ATP8A2: variants seen among roughly 807,000 people sequenced by gnomAD.
ATP8A2 encodes the protein ATPase phospholipid transporting 8A2.
Under a neutral mutation model 165.6 loss-of-function variants are expected in ATP8A2, and 100 were observed. The observed-to-expected ratio is 0.60, with a 90% CI of 0.51 to 0.71. The LOEUF is 0.71. Ranked by LOEUF, ATP8A2 falls within the 30% of genes least tolerant of loss-of-function variation. The probability of loss-of-function intolerance (pLI) is 0.00; values close to 1 mark genes in which losing one functional copy is unlikely to be tolerated. For missense variants in ATP8A2, 1,227 were observed against 1,479.5 expected, an observed-to-expected ratio of 0.83 and a Z score of 2.80; for synonymous variants, 543 against 548.8, an observed-to-expected ratio of 0.99 and a Z score of 0.15.
chr13:25,734,741 C>T (rs974517639), intron 25 of ATP8A2, among the ~76,000 whole-genome samples: 7 of 152,130 alleles, frequency 4.6e-5, no homozygotes, highest in African/African-American at 1.2e-4. Context: ...CAGATTCAAG[C>T]GATTCTCCTG....
chr13:25,532,447 A>G (rs1333708861), intron 5 of ATP8A2, 130 bp downstream of exon 5: 2 of 625,014 alleles, frequency 3.2e-6, no homozygotes, highest in Admixed American at 3.5e-5. Context: ...ATAAAGAAAT[A>G]GTAAAATAAC....
intron 2 of ATP8A2, among the ~76,000 whole-genome samples, chr13:25,497,164 T>A (rs755238697): frequency 1.3e-5 from 2 of 152,174 alleles, no homozygotes; most frequent in African/African-American, 4.8e-5. Flanking sequence ...TTTGAGAAAT[T>A]CTTTGAAGTT....
At chr13:25,989,183 T>A (rs1956333897) in intron 35 of ATP8A2, among the ~76,000 whole-genome samples, 1 of 152,238 alleles carries the variant, frequency 6.6e-6, no homozygotes, top group Non-Finnish European at 1.5e-5. Context: ...GTTTGGATGC[T>A]TATTTGAATT....
chr13:25,524,480 G>A (rs149705190), intron 2 of ATP8A2, among the ~76,000 whole-genome samples: 1 of 152,154 alleles, frequency 6.6e-6, no homozygotes, highest in African/African-American at 2.4e-5. Flanking sequence ...TACTACTATT[G>A]TATTGCAGTC....
chr13:25,450,585 G>C (rs1219051206), intron 1 of ATP8A2, among the ~76,000 whole-genome samples: 21 of 152,298 alleles, frequency 1.4e-4, no homozygotes, highest in African/African-American at 5.1e-4. Context: ...AGGCTGGAGT[G>C]CAGTGGTGTG....
At chr13:25,504,537 G>A (rs1287674141) in intron 2 of ATP8A2, among the ~76,000 whole-genome samples, 6 of 145,680 alleles carry the variant, frequency 4.1e-5, no homozygotes, top group Non-Finnish European at 7.5e-5. Flanking sequence ...TCAGGAGATC[G>A]AGACCATCCT....
intron 33 of ATP8A2, chr13:25,926,974 G>A: frequency 2.8e-6 from 1 of 355,092 alleles, no homozygotes; most frequent in Non-Finnish European, 5.8e-6. Context: ...GCCACAGGCA[G>A]ATAAGCAAGG....
chr13:25,600,637 G>A (rs534058966), intron 24 of ATP8A2, among the ~76,000 whole-genome samples: 10 of 152,270 alleles, frequency 6.6e-5, no homozygotes, highest in African/African-American at 2.4e-4. Context: ...CACTGCCAAC[G>A]TCCTGGCATC....
intron 15 of ATP8A2, among the ~76,000 whole-genome samples, chr13:25,562,320 C>T (rs995990619): frequency 1.3e-5 from 2 of 152,136 alleles, no homozygotes; most frequent in Non-Finnish European, 2.9e-5. Context: ...TAATAGCCAT[C>T]CTAATGGGTA....
At chr13:25,712,910 T>C (rs529478267) in intron 25 of ATP8A2, among the ~76,000 whole-genome samples, 2 of 152,210 alleles carry the variant, frequency 1.3e-5, no homozygotes, top group African/African-American at 2.4e-5. Context: ...AACTATGTGA[T>C]TCCAGCAAAG....
At chr13:25,690,806 G>A (rs761361196) in intron 24 of ATP8A2, among the ~76,000 whole-genome samples, 14 of 152,092 alleles carry the variant, frequency 9.2e-5, no homozygotes, top group Non-Finnish European at 1.9e-4. Context: ...CTCTGTTTGT[G>A]CCTGTATGTG....
At chr13:25,678,341 C>T (rs1288007374) in intron 24 of ATP8A2, among the ~76,000 whole-genome samples, 1 of 152,086 alleles carries the variant, frequency 6.6e-6, no homozygotes, top group African/African-American at 2.4e-5. Context: ...GGTAGAGGCA[C>T]TTAGTGACAG....
rs528510414 is a variant in ATP8A2 at position 25,778,745 on chromosome 13, C to T, written c.2679+3786C>T. Among the ~76,000 whole-genome samples, 5 of 152,246 alleles carry T rather than the reference C, an allele frequency of 3.3e-5. No individual in the cohort carries two copies. In the South Asian group the frequency reaches 1.0e-3, roughly 32 times the overall value. On this transcript the variant is annotated intron_variant, in intron 27 of 36. Transcript: ENST00000381655. Reference sequence around the variant, plus strand: ...TCTGATGAAATGCCCATCTCCGTCCCGTCACCTGCCCCTCTGCGATCTGGG... The same window carrying T: ...TCTGATGAAATGCCCATCTCCGTCCTGTCACCTGCCCCTCTGCGATCTGGG...
intron 35 of ATP8A2, among the ~76,000 whole-genome samples, chr13:25,991,313 T>A (rs560839875): frequency 6.6e-6 from 1 of 152,310 alleles, no homozygotes; most frequent in South Asian, 2.1e-4. Flanking sequence ...TTGTAAAAAA[T>A]AATAGAAAGC....
chr13:25,758,547 T>C (rs1293210065), intron 25 of ATP8A2, among the ~76,000 whole-genome samples: 4 of 152,246 alleles, frequency 2.6e-5, no homozygotes, highest in African/African-American at 9.6e-5. Context: ...TGTCAACTAC[T>C]ATTATAATTA....
intron 27 of ATP8A2, among the ~76,000 whole-genome samples, chr13:25,824,111 C>T (rs1338959692): frequency 1.3e-5 from 2 of 152,112 alleles, no homozygotes; most frequent in Non-Finnish European, 2.9e-5. Flanking sequence ...GCTGGGATTA[C>T]AGGTGTGCAC....
Position 25,932,964 on chromosome 13 carries a change from AG to A in ATP8A2, c.3184-28610del, listed in dbSNP as rs1009707996. Among the ~76,000 whole-genome samples, 48 of 152,292 alleles carry A rather than the reference AG, an allele frequency of 3.2e-4. 1 individual carries two copies. The highest frequency in any genetic ancestry group is 3.1e-3 in the Admixed American group (48 of 15,300). On this transcript the variant is annotated intron_variant, in intron 33 of 36. Coordinates refer to ENST00000381655, the MANE Select transcript of ATP8A2 (RefSeq NM_016529.6). ...CAGGTTCAAGTGATTCTCCCACCTC[AG>A]CCTCCCCAGTAGCTGGGAGTACAGG...
chr13:25,490,818 G>C (rs1368125560), intron 2 of ATP8A2, among the ~76,000 whole-genome samples: 1 of 151,704 alleles, frequency 6.6e-6, no homozygotes, highest in Non-Finnish European at 1.5e-5. Context: ...GAGTGCAGTG[G>C]TACAGTCATA....
chr13:25,699,210 T>G lies in ATP8A2; in HGVS notation c.2249T>G (p.Leu750Arg). 4 of 1,612,284 alleles carry G rather than the reference T, an allele frequency of 2.5e-6. No homozygotes were observed. The highest frequency in any genetic ancestry group is 3.4e-6 in the Non-Finnish European group (4 of 1,179,042). ...GCCATTACTCAGCACTGCACTGACC[T>G]TGGGAATTTGCTGGGCAAGGAAAAT... ...RAAITQHCTDLGNLLGKENDV... is the reference protein window; with the variant it reads ...RAAITQHCTDRGNLLGKENDV... The change falls in exon 25 of 37, where the codon CTT (leucine) becomes CGT (arginine). Residue 750 changes from leucine to arginine, a missense_variant. Coordinates refer to ENST00000381655, the MANE Select transcript of ATP8A2 (RefSeq NM_016529.6).
Sources: allele counts gnomAD v4.1 joint callset (sites outside exome capture counted in the v4.1 genomes callset), GRCh38; gene constraint gnomAD v4.1.1; transcripts MANE v1.5; gene names NCBI Gene and HGNC (gene_info 2026-07-23, HGNC 2026-07-21).